GRM8: variants seen among roughly 807,000 people sequenced by gnomAD.
The protein encoded by GRM8 is metabotropic glutamate receptor 8.
Under a neutral mutation model 87.2 loss-of-function variants are expected in GRM8, and 47 were observed. The ratio of observed to expected loss-of-function variants is 0.54; its 90% CI spans 0.43 to 0.69. GRM8 has a LOEUF of 0.69. Among genes scored for constraint, GRM8 ranks in the 30% least tolerant of loss-of-function variants. The pLI is 0.00. For missense variants in GRM8, 1,019 were observed against 1,139.2 expected, an observed-to-expected ratio of 0.89 and a Z score of 1.52; for synonymous variants, 396 against 404.5, an observed-to-expected ratio of 0.98 and a Z score of 0.25.
chr7:127,200,417 T>C (rs547334957), intron 2 of GRM8, among the ~76,000 whole-genome samples: 33 of 152,360 alleles, frequency 2.2e-4, no homozygotes, highest in African/African-American at 6.5e-4. Context: ...AAGCAACATC[T>C]TTACATCACT....
At chr7:127,215,742 T>C (rs1393025223) in intron 2 of GRM8, among the ~76,000 whole-genome samples, 2 of 152,226 alleles carry the variant, frequency 1.3e-5, no homozygotes, top group Non-Finnish European at 2.9e-5. Context: ...TCTCCAAATA[T>C]CTATTCTTCA....
At chr7:126,606,493 T>C (rs1254343234) in intron 8 of GRM8, among the ~76,000 whole-genome samples, 1 of 152,188 alleles carries the variant, frequency 6.6e-6, no homozygotes, top group South Asian at 2.1e-4. Flanking sequence ...TGCTTTGCCA[T>C]AGATCTAAGC....
intron 8 of GRM8, among the ~76,000 whole-genome samples, chr7:126,538,116 T>C (rs1370867544): frequency 1.3e-5 from 2 of 152,188 alleles, no homozygotes; most frequent in African/African-American, 2.4e-5. Flanking sequence ...ATTTATTCAA[T>C]AGGTTTCAAT....
At chr7:126,507,022 T>G (rs1267147477) in intron 9 of GRM8, among the ~76,000 whole-genome samples, 1 of 152,068 alleles carries the variant, frequency 6.6e-6, no homozygotes, top group Non-Finnish European at 1.5e-5. Flanking sequence ...AAAGAGGCTC[T>G]CAATGAAGCC....
At chr7:127,186,396 G>A (rs1794737426) in intron 2 of GRM8, among the ~76,000 whole-genome samples, 1 of 152,100 alleles carries the variant, frequency 6.6e-6, no homozygotes, top group Non-Finnish European at 1.5e-5. Context: ...CTACATTAAG[G>A]GATCCCTTCA....
chr7:126,735,372 T>A (rs4731326), intron 7 of GRM8, among the ~76,000 whole-genome samples: 1 of 151,852 alleles, frequency 6.6e-6, no homozygotes, highest in Non-Finnish European at 1.5e-5. Context: ...TCAATGATAT[T>A]CAAATTTAAA....
intron 3 of GRM8, among the ~76,000 whole-genome samples, chr7:127,028,341 G>A (rs1364725830): frequency 1.3e-5 from 2 of 152,150 alleles, no homozygotes; most frequent in Non-Finnish European, 2.9e-5. Context: ...GATGATGCTG[G>A]CCTCATAAAA....
chr7:126,664,385 T>C (rs935692360), intron 7 of GRM8, among the ~76,000 whole-genome samples: 6 of 152,124 alleles, frequency 3.9e-5, no homozygotes, highest in African/African-American at 1.4e-4. Context: ...AATTTCAAAC[T>C]ATACTTTAAG....
chr7:127,143,195 G>C (rs577355316), intron 2 of GRM8, among the ~76,000 whole-genome samples: 1 of 152,082 alleles, frequency 6.6e-6, no homozygotes, highest in African/African-American at 2.4e-5. Flanking sequence ...AGGTAAGCCT[G>C]TTGGAAGGGA....
At chr7:126,937,695 T>G (rs1806481872) in intron 3 of GRM8, among the ~76,000 whole-genome samples, 1 of 152,208 alleles carries the variant, frequency 6.6e-6, no homozygotes, top group African/African-American at 2.4e-5. Context: ...CGCTAACTCC[T>G]ACTGACTAGA....
chr7:127,131,613 A>G (rs1288424930), intron 2 of GRM8, among the ~76,000 whole-genome samples: 1 of 152,194 alleles, frequency 6.6e-6, no homozygotes, highest in Non-Finnish European at 1.5e-5. Context: ...GGTATCTCAC[A>G]GTCCCAAGTT....
intron 2 of GRM8, among the ~76,000 whole-genome samples, chr7:127,167,819 C>A (rs1224937204): frequency 6.6e-6 from 1 of 152,118 alleles, no homozygotes; most frequent in Non-Finnish European, 1.5e-5. Context: ...AGTAACCATA[C>A]AATGGCTTCT....
At chr7:126,567,491 G>C (rs1402807109) in intron 8 of GRM8, among the ~76,000 whole-genome samples, 2 of 152,060 alleles carry the variant, frequency 1.3e-5, no homozygotes, top group African/African-American at 4.8e-5. Context: ...ACACAAACAT[G>C]GCACATGCAT....
intron 9 of GRM8, among the ~76,000 whole-genome samples, chr7:126,466,296 AT>A (rs1424875440): frequency 6.6e-6 from 1 of 151,858 alleles, no homozygotes; most frequent in Non-Finnish European, 1.5e-5. Context: ...GATTTTTTTC[AT>A]TTAAAATGCA....
chr7:126,534,520 T>C (rs1815374558), intron 8 of GRM8, among the ~76,000 whole-genome samples: 1 of 152,168 alleles, frequency 6.6e-6, no homozygotes, highest in African/African-American at 2.4e-5. Flanking sequence ...ATGAGATAAC[T>C]TGATGGTAAT....
chr7:127,081,798 A>G (rs1164309175), intron 3 of GRM8, among the ~76,000 whole-genome samples: 1 of 152,206 alleles, frequency 6.6e-6, no homozygotes, highest in African/African-American at 2.4e-5. Context: ...TTCTTTAGAA[A>G]TATTCACCAT....
intron 7 of GRM8, among the ~76,000 whole-genome samples, chr7:126,668,182 CCT>C (rs1805994269): frequency 6.6e-6 from 1 of 152,036 alleles, no homozygotes; most frequent in African/African-American, 2.4e-5. Context: ...TGTGAGAGTC[CCT>C]GTTTACCCCC....
chr7:126,721,291 CT>C (rs1375918188), intron 7 of GRM8, among the ~76,000 whole-genome samples: 1 of 152,170 alleles, frequency 6.6e-6, no homozygotes, highest in Non-Finnish European at 1.5e-5. Context: ...AAACACCATA[CT>C]TTGTCTTACA....
chr7:126,634,256 C>T (rs1801631731), intron 7 of GRM8, among the ~76,000 whole-genome samples: 1 of 152,106 alleles, frequency 6.6e-6, no homozygotes, highest in African/African-American at 2.4e-5. Context: ...AAAGTCAGTT[C>T]TATCCCAGGC....
Sources: gnomAD v4.1 joint callset for allele counts (sites outside exome capture counted in the v4.1 genomes callset) on GRCh38, gnomAD v4.1.1 for gene constraint, MANE v1.5 for transcripts, NCBI Gene and HGNC (gene_info 2026-07-23, HGNC 2026-07-21) for gene names.